SKAP2: variants seen among roughly 807,000 people sequenced by gnomAD.
SKAP2 encodes src kinase associated phosphoprotein 2.
SKAP2 carries 28 observed loss-of-function variants against 54.9 expected under a neutral mutation model. That is an observed-to-expected ratio of 0.51 (90% CI 0.38 to 0.70). The LOEUF (loss-of-function observed/expected upper bound fraction) is 0.70. Ranked by LOEUF, SKAP2 falls within the 30% of genes least tolerant of loss-of-function variation. SKAP2 has a pLI of 0.00. For missense variants in SKAP2, 356 were observed against 424.1 expected, an observed-to-expected ratio of 0.84 and a Z score of 1.41; for synonymous variants, 137 against 134.3, an observed-to-expected ratio of 1.02 and a Z score of -0.14.
chr7:26,808,237 G>A (rs985882031), intron 4 of SKAP2, among the ~76,000 whole-genome samples: 6 of 152,092 alleles, frequency 3.9e-5, no homozygotes, highest in African/African-American at 1.4e-4. Context: ...ATGAACAGAT[G>A]AATGGATAAA....
At chr7:26,735,916 G>A (rs1030940798) in intron 6 of SKAP2, among the ~76,000 whole-genome samples, 4 of 151,738 alleles carry the variant, frequency 2.6e-5, no homozygotes, top group East Asian at 3.9e-4. Context: ...TAAAAATTTC[G>A]AATGAAACCG....
chr7:26,823,053 G>A, intron 4 of SKAP2, among the ~76,000 whole-genome samples: 1 of 152,156 alleles, frequency 6.6e-6, no homozygotes, highest in Non-Finnish European at 1.5e-5. Context: ...GTGCCAAACA[G>A]CCAAGTTGTG....
At chr7:26,839,389 T>C (rs1784775576) in intron 4 of SKAP2, among the ~76,000 whole-genome samples, 1 of 152,098 alleles carries the variant, frequency 6.6e-6, no homozygotes, top group African/African-American at 2.4e-5. Flanking sequence ...ATTAAACTGC[T>C]AAAACATATA....
intron 4 of SKAP2, among the ~76,000 whole-genome samples, chr7:26,775,065 G>T (rs1448934722): frequency 6.6e-6 from 1 of 152,070 alleles, no homozygotes; most frequent in Admixed American, 6.6e-5. Flanking sequence ...CCTTTTTTGT[G>T]AATCTTAAGA....
intron 11 of SKAP2, among the ~76,000 whole-genome samples, chr7:26,680,925 A>G (rs1321903703): frequency 6.6e-6 from 1 of 152,064 alleles, no homozygotes; most frequent in East Asian, 1.9e-4. Flanking sequence ...TTTGCACCAG[A>G]AGAAAAAAAA....
At chr7:26,777,396 T>C (rs1783334055) in intron 4 of SKAP2, among the ~76,000 whole-genome samples, 1 of 152,282 alleles carries the variant, frequency 6.6e-6, no homozygotes, top group Admixed American at 6.5e-5. Context: ...TAAGATTTGC[T>C]TTTGATAAAA....
At chr7:26,685,011 C>T (rs929188481) in intron 10 of SKAP2, among the ~76,000 whole-genome samples, 163 bp from the exon 11 acceptor site, 38 of 152,174 alleles carry the variant, frequency 2.5e-4, no homozygotes, top group African/African-American at 8.9e-4. Context: ...ATGAATCCTA[C>T]GTCTCACTAT....
chr7:26,739,510 G>A (rs567387675), intron 5 of SKAP2, among the ~76,000 whole-genome samples: 13 of 152,316 alleles, frequency 8.5e-5, no homozygotes, highest in Admixed American at 2.6e-4. Flanking sequence ...CTCCAGGCTT[G>A]ATCTGAACCA....
intron 4 of SKAP2, among the ~76,000 whole-genome samples, chr7:26,825,111 T>C (rs1012629634): frequency 1.3e-5 from 2 of 152,166 alleles, no homozygotes; most frequent in Non-Finnish European, 2.9e-5. Context: ...CTATAAATCT[T>C]GCACCTAATC....
intron 12 of SKAP2, 71 bp from the exon 13 acceptor site, chr7:26,669,727 A>C (rs1029783686): frequency 1.1e-4 from 17 of 152,948 alleles, no homozygotes; most frequent in African/African-American, 4.1e-4. Context: ...TGCTTAAAAA[A>C]ATTACACTTT....
chr7:26,739,525 G>GC (rs1782384684), intron 5 of SKAP2, among the ~76,000 whole-genome samples: 1 of 152,196 alleles, frequency 6.6e-6, no homozygotes, highest in East Asian at 1.9e-4. Flanking sequence ...GAACCATGGT[G>GC]CATGCCAGTT....
At chr7:26,849,217 G>C (rs1343238160) in intron 3 of SKAP2, among the ~76,000 whole-genome samples, 1 of 152,180 alleles carries the variant, frequency 6.6e-6, no homozygotes, top group Non-Finnish European at 1.5e-5. Flanking sequence ...AACAGCATGA[G>C]TGAGAAGGTC....
chr7:26,730,628 T>G (rs1368959205), intron 6 of SKAP2, among the ~76,000 whole-genome samples: 1 of 152,230 alleles, frequency 6.6e-6, no homozygotes, highest in Non-Finnish European at 1.5e-5. Context: ...TTTCACACTT[T>G]AACCTAACCT....
chr7:26,858,764 G>A (rs1366737260), intron 1 of SKAP2, among the ~76,000 whole-genome samples: 1 of 152,176 alleles, frequency 6.6e-6, no homozygotes, highest in South Asian at 2.1e-4. Flanking sequence ...CACCAGGTCA[G>A]AACAGTTTAA....
intron 9 of SKAP2, among the ~76,000 whole-genome samples, chr7:26,716,978 C>A (rs1787460501): frequency 6.6e-6 from 1 of 152,186 alleles, no homozygotes; most frequent in Admixed American, 6.5e-5. Flanking sequence ...CATTTCCATG[C>A]TCCATCTTTC....
At chr7:26,774,486 G>T (rs535934365) in intron 4 of SKAP2, among the ~76,000 whole-genome samples, 1 of 149,914 alleles carries the variant, frequency 6.7e-6, no homozygotes, top group South Asian at 2.1e-4. Context: ...GTGGAAGAAA[G>T]AACAAGATCA....
rs1347587605 is a variant in SKAP2 at position 26,668,349 on chromosome 7, A to G, written c.*1317T>C. On this transcript the variant is annotated 3_prime_UTR_variant, in exon 13 of 13. Coordinates refer to ENST00000345317, the MANE Select transcript of SKAP2 (RefSeq NM_003930.5). ...AAGGCTACATTGGTATCTCATAGGT[A>G]TTTTAAACACCTCTGATTTCAAATA... 1.3e-5 allele frequency: 2 copies of G among 152,202 alleles called. No homozygotes were observed. The highest frequency in any genetic ancestry group is 2.9e-5 in the Non-Finnish European group (2 of 68,032). The allele number at this position is 152,202 out of a possible 1,614,324, so 9.4% of individuals were successfully genotyped here.
At chr7:26,763,268 T>C (rs1272562460) in intron 4 of SKAP2, among the ~76,000 whole-genome samples, 1 of 152,166 alleles carries the variant, frequency 6.6e-6, no homozygotes, top group African/African-American at 2.4e-5. Flanking sequence ...AGTGCTCACA[T>C]TGAAAATGAT....
At chr7:26,787,553 C>T (rs1783578541) in intron 4 of SKAP2, among the ~76,000 whole-genome samples, 1 of 152,094 alleles carries the variant, frequency 6.6e-6, no homozygotes, top group Non-Finnish European at 1.5e-5. Context: ...TATTGAACTC[C>T]TGACCTCAAG....
Sources: gnomAD v4.1 joint callset for allele counts (sites outside exome capture counted in the v4.1 genomes callset) on GRCh38, gnomAD v4.1.1 for gene constraint, MANE v1.5 for transcripts, NCBI Gene and HGNC (gene_info 2026-07-23, HGNC 2026-07-21) for gene names.